Variants in ST3GAL3 observed in about 807,000 individuals in gnomAD.
ST3GAL3 encodes the protein ST3 beta-galactoside alpha-2,3-sialyltransferase 3.
In ST3GAL3, 21 loss-of-function variants were observed where a neutral mutation model predicts 50.1. The ratio of observed to expected loss-of-function variants is 0.42; its 90% CI spans 0.30 to 0.60. The LOEUF (loss-of-function observed/expected upper bound fraction) is 0.60. ST3GAL3 is among the 20% of genes least tolerant of loss of function. ST3GAL3 has a pLI of 0.19. For synonymous variants in ST3GAL3, 183 were observed against 190.0 expected, an observed-to-expected ratio of 0.96 and a Z score of 0.30; for missense variants, 353 against 489.4, an observed-to-expected ratio of 0.72 and a Z score of 2.63.
intron 2 of ST3GAL3, among the ~76,000 whole-genome samples, chr1:43,789,930 G>A (rs937326497): frequency 5.9e-5 from 9 of 151,920 alleles, no homozygotes; most frequent in Non-Finnish European, 1.2e-4. Context: ...GTATGAGATA[G>A]GGTGGTCACC....
intron 2 of ST3GAL3, chr1:43,738,992 A>G (rs1417560722): frequency 6.6e-6 from 1 of 152,220 alleles, no homozygotes. Context: ...TGATCCTCAT[A>G]GTTTTTATTG....
At chr1:43,765,805 G>T (rs763294512) in intron 2 of ST3GAL3, among the ~76,000 whole-genome samples, 1 of 145,632 alleles carries the variant, frequency 6.9e-6, no homozygotes, top group Admixed American at 6.7e-5. Flanking sequence ...GCGCGCGTCC[G>T]CGCGTCCGCG....
At chr1:43,728,902 C>T (rs181888026) in intron 1 of ST3GAL3, among the ~76,000 whole-genome samples, 17 of 151,756 alleles carry the variant, frequency 1.1e-4, no homozygotes, top group African/African-American at 3.4e-4. Context: ...TATTATTGTT[C>T]GTTTTGAGAC....
intron 5 of ST3GAL3, among the ~76,000 whole-genome samples, chr1:43,853,420 T>A: frequency 6.6e-6 from 1 of 152,280 alleles, no homozygotes; most frequent in Non-Finnish European, 1.5e-5. Context: ...CAGTTCTAAA[T>A]ATGAGGAAAT....
chr1:43,899,879 G>A lies in ST3GAL3; in HGVS notation c.744+152G>A, dbSNP rs2078002005. On this transcript the variant is annotated intron_variant, in intron 9 of 11. Transcript: ENST00000347631. This position sits in a 1 kb window ranked among gnomAD's most constrained non-coding sequence, Gnocchi z 5.4. ...GCCGAAATCACCCAATGGCAACCAGGGGGCAAAGAGGTCAGGAGATTGCCC... is the reference window on the plus strand; with the variant it reads ...GCCGAAATCACCCAATGGCAACCAGAGGGCAAAGAGGTCAGGAGATTGCCC... The A allele has an allele frequency of 1.2e-6, 1 of 825,004 alleles. No individual in the cohort carries two copies. The allele number at this position is 825,004 out of a possible 1,614,324, so 51.1% of individuals were successfully genotyped here.
intron 2 of ST3GAL3, among the ~76,000 whole-genome samples, chr1:43,788,851 T>C (rs2057683812): frequency 6.6e-6 from 1 of 151,776 alleles, no homozygotes; most frequent in African/African-American, 2.4e-5. Context: ...AGCACAGTGA[T>C]GGCCTAAAGA....
chr1:43,850,323 G>T, intron 5 of ST3GAL3: 1 of 592,862 alleles, frequency 1.7e-6, no homozygotes, highest in Non-Finnish European at 2.9e-6. Context: ...GCCAGGCAGA[G>T]GGAAGAGAGT....
rs915881574 is a variant in ST3GAL3, at chr1:43,852,403, C to G, written c.302+14092C>G. ...AGAAATACACTCCATTACTCTTTCC[C>G]CTACCCTGTGCACCACCACAGTGCC... On this transcript the variant is annotated intron_variant, in intron 5 of 11. Coordinates refer to ENST00000347631, the MANE Select transcript of ST3GAL3 (RefSeq NM_006279.5). Among the ~76,000 whole-genome samples the G allele has an allele frequency of 3.9e-5, 6 of 152,208 alleles. 1 individual carries two copies. The highest frequency in any genetic ancestry group is 1.4e-4 in the African/African-American group (6 of 41,446).
At chr1:43,736,139 T>TC in intron 1 of ST3GAL3, 94 bp from the exon 2 acceptor site, 1 of 1,228,458 alleles carries the variant, frequency 8.1e-7, no homozygotes, top group Non-Finnish European at 1.2e-6. Context: ...AAGTTATTCT[T>TC]CATTTGGAAA....
chr1:43,913,462 G>GT (rs1464404166), intron 9 of ST3GAL3: 28 of 152,162 alleles, frequency 1.8e-4, no homozygotes, highest in Non-Finnish European at 1.5e-5. Context: ...TTAAGCCTCT[G>GT]TTTTTCACAC....
intron 1 of ST3GAL3, among the ~76,000 whole-genome samples, chr1:43,720,709 A>AT (rs1282955283): frequency 6.6e-6 from 1 of 152,144 alleles, no homozygotes; most frequent in East Asian, 1.9e-4. Context: ...TGTATTGGAG[A>AT]TTAAGTTTCC....
chr1:43,873,461 C>T (rs1386609011), intron 5 of ST3GAL3, among the ~76,000 whole-genome samples: 2 of 152,252 alleles, frequency 1.3e-5, no homozygotes, highest in South Asian at 2.1e-4. Flanking sequence ...TTTGAGATGC[C>T]TCTTAGACAT....
At chr1:43,765,782 TGTGCGCGCGC>T (rs1692509184) in intron 2 of ST3GAL3, among the ~76,000 whole-genome samples, 1 of 139,684 alleles carries the variant, frequency 7.2e-6, no homozygotes, top group Non-Finnish European at 1.5e-5. Context: ...TGTGTGTGTG[TGTGCGCGCGC>T]GCGCGCGCGT....
chr1:43,851,723 G>A, intron 5 of ST3GAL3: 1 of 1,213,914 alleles, frequency 8.2e-7, no homozygotes, highest in Non-Finnish European at 1.2e-6. Flanking sequence ...CCTGTTGACT[G>A]GCATTGCTAT....
intron 2 of ST3GAL3, among the ~76,000 whole-genome samples, chr1:43,740,418 G>A (rs1467787436): frequency 1.3e-5 from 2 of 151,526 alleles, no homozygotes; most frequent in Non-Finnish European, 2.9e-5. Context: ...TCGGGTAGTT[G>A]CCTCTTTGCA....
rs567927604 is a variant in ST3GAL3 at position 43,852,687 on chromosome 1, T to A, written c.302+14376T>A. Among the ~76,000 whole-genome samples the A allele has an allele frequency of 1.2e-4, 18 of 152,284 alleles. 1 individual carries two copies. In the South Asian group the frequency reaches 3.7e-3, roughly 32 times the overall value. On this transcript the variant is annotated intron_variant, in intron 5 of 11. Transcript: ENST00000347631. ...GAAAGAGTTTCTGAAGAAAACTAAT[T>A]ATTGTGACATATTCCAATATATGAT...
intron 9 of ST3GAL3, chr1:43,914,050 TCTC>T (rs2081374632): frequency 6.6e-6 from 1 of 152,150 alleles, no homozygotes; most frequent in African/African-American, 2.4e-5. Flanking sequence ...ATCAGGCATT[TCTC>T]CTCCCAGGAA....
intron 5 of ST3GAL3, among the ~76,000 whole-genome samples, chr1:43,861,711 C>T (rs1477193082): frequency 6.6e-6 from 1 of 152,228 alleles, no homozygotes; most frequent in Non-Finnish European, 1.5e-5. Flanking sequence ...ACCTGGAGTG[C>T]TTCTCCATAT....
chr1:43,736,002 G>A (rs1381604521), intron 1 of ST3GAL3, among the ~76,000 whole-genome samples: 1 of 152,166 alleles, frequency 6.6e-6, no homozygotes, highest in Admixed American at 6.5e-5. Context: ...ACTGGATGTC[G>A]GCGGCTGGGG....
Sources: gnomAD v4.1 joint callset for allele counts (sites outside exome capture counted in the v4.1 genomes callset) on GRCh38, gnomAD v4.1.1 for gene constraint, Gnocchi (gnomAD v3.1) non-coding constraint, MANE v1.5 for transcripts, NCBI Gene and HGNC (gene_info 2026-07-23, HGNC 2026-07-21) for gene names.